Variants in RCBTB1 observed in about 807,000 individuals in gnomAD.
The protein encoded by RCBTB1 is RCC1 and BTB domain-containing protein 1.
In RCBTB1, 46 loss-of-function variants were observed where a neutral mutation model predicts 62.4. The observed-to-expected ratio is 0.74, with a 90% CI of 0.58 to 0.94. The LOEUF is 0.94. RCBTB1 is among the 40% of genes least tolerant of loss of function. The pLI is 0.00. For synonymous variants in RCBTB1, 222 were observed against 245.8 expected, an observed-to-expected ratio of 0.90 and a Z score of 0.91; for missense variants, 565 against 654.9, an observed-to-expected ratio of 0.86 and a Z score of 1.50.
chr13:49,584,774 G>T (rs1326711119), intron 1 of RCBTB1, among the ~76,000 whole-genome samples: 1 of 152,174 alleles, frequency 6.6e-6, no homozygotes, highest in Non-Finnish European at 1.5e-5. Flanking sequence ...TCCGCAGATG[G>T]CTTGAAAGTG....
At position 49,559,929 on chromosome 13, in the gene RCBTB1, C is replaced by T; in HGVS notation, c.433G>A (p.Ala145Thr). 1 of 1,613,210 alleles carries T rather than the reference C, an allele frequency of 6.2e-7. No individual in the cohort carries two copies. The highest frequency in any genetic ancestry group is 8.5e-7 in the Non-Finnish European group (1 of 1,179,686). Residue 145 changes from alanine to threonine, a missense_variant, in exon 5 of 13, where the codon GCT becomes ACT. By Grantham distance (58) the Ala-to-Thr change is moderately conservative. Coordinates refer to ENST00000378302, the MANE Select transcript of RCBTB1 (RefSeq NM_018191.4). ...AGCAGCATACTTACCTCTCCATCAG[C>T]TGCCAGAGCCATTGAATGATGTGAG... is the stretch of plus-strand genomic sequence containing the variant. ...CGSHHSMALAADGEVFAWGYN... is the reference protein window; with the variant it reads ...CGSHHSMALATDGEVFAWGYN...
Position 49,546,315 on chromosome 13 carries a change from A to T in RCBTB1, c.1046-1452T>A, listed in dbSNP as rs1298869750. 3 of 984,586 alleles carry T rather than the reference A, an allele frequency of 3.0e-6. No individual in the cohort carries two copies. In the African/African-American group the frequency reaches 5.3e-5, roughly 17 times the overall value. 61.0% of individuals were successfully genotyped at this position (984,586 alleles called of 1,614,324 possible). ...TGACTTTCCGTCTAACACTCAGATG[A>T]GATCACAAAGTGAGAGGGAAAAAAC... On this transcript the variant is annotated intron_variant, in intron 9 of 12. Transcript: ENST00000378302.
intron 10 of RCBTB1, among the ~76,000 whole-genome samples, chr13:49,542,972 T>C (rs1421752553): frequency 6.6e-6 from 1 of 152,192 alleles, no homozygotes; most frequent in African/African-American, 2.4e-5. Flanking sequence ...AGAGAAAAAG[T>C]ATTCTGAGGT....
chr13:49,566,775 AATAG>A lies in RCBTB1; in HGVS notation c.127-11_127-8del, dbSNP rs750411809. Reference sequence around the variant, plus strand: ...TCAGTCCAAATACAAAGACCTAGAAAATAGATAGTTTTTTTTCTGAGTCTTTTGA... The same window carrying A: ...TCAGTCCAAATACAAAGACCTAGAAAATAGTTTTTTTTCTGAGTCTTTTGA... On this transcript the variant is annotated splice_region_variant and splice_polypyrimidine_tract_variant and intron_variant, in intron 3 of 12. Coordinates refer to ENST00000378302, the MANE Select transcript of RCBTB1 (RefSeq NM_018191.4). The A allele has an allele frequency of 1.6e-4, 263 of 1,594,538 alleles. 1 individual carries two copies. The highest frequency in any genetic ancestry group is 4.2e-4 in the African/African-American group (31 of 73,674).
intron 9 of RCBTB1, 84 bp downstream of exon 9, chr13:49,549,374 T>G (rs1295762616): frequency 7.4e-7 from 1 of 1,343,646 alleles, no homozygotes; most frequent in Non-Finnish European, 1.0e-6. Context: ...TTCTGAGAGA[T>G]CCCAAAACCA....
At chr13:49,544,186 TA>T (rs1262017550) in intron 10 of RCBTB1, among the ~76,000 whole-genome samples, 1 of 152,162 alleles carries the variant, frequency 6.6e-6, no homozygotes, top group African/African-American at 2.4e-5. Context: ...AAAAACAATA[TA>T]AGCTGGGCGT....
intron 9 of RCBTB1, 145 bp downstream of exon 9, chr13:49,549,313 T>C (rs946188358): frequency 2.6e-5 from 18 of 684,160 alleles, no homozygotes; most frequent in Non-Finnish European, 4.2e-5. Flanking sequence ...TACATTTGAT[T>C]ATGCACATCT....
chr13:49,550,783 T>G (rs991147420), intron 8 of RCBTB1, among the ~76,000 whole-genome samples: 2 of 152,094 alleles, frequency 1.3e-5, no homozygotes, highest in South Asian at 2.1e-4. Context: ...CAACCTCATG[T>G]TCATTCTGGC....
At position 49,532,380 on chromosome 13, in the gene RCBTB1, A is replaced by G. The variant is rs1276367727; in HGVS notation, c.*1742T>C. ...CTTTAATTTGTGCTTTTTTTGAAAAAAAGTTTTCAAGTAAGAGCAATAGTA... is the reference window on the plus strand; with the variant it reads ...CTTTAATTTGTGCTTTTTTTGAAAAGAAGTTTTCAAGTAAGAGCAATAGTA... On this transcript the variant is annotated 3_prime_UTR_variant, in exon 13 of 13. Coordinates refer to ENST00000378302, the MANE Select transcript of RCBTB1 (RefSeq NM_018191.4). The G allele has an allele frequency of 1.3e-5, 2 of 149,924 alleles. No homozygotes were observed. The highest frequency in any genetic ancestry group is 3.0e-5 in the Non-Finnish European group (2 of 67,320). 9.3% of individuals were successfully genotyped at this position (149,924 alleles called of 1,614,324 possible). A position where few individuals can be genotyped will look rare whatever the true frequency, so the allele number is the denominator to read the frequency against.
intron 8 of RCBTB1, 73 bp from the exon 9 acceptor site, chr13:49,549,721 T>G: frequency 6.6e-7 from 1 of 1,505,710 alleles, no homozygotes; most frequent in African/African-American, 1.4e-5. Flanking sequence ...CAAGGCAATT[T>G]AAAAGTTCAT....
At chr13:49,561,510 GA>G (rs1439635548) in intron 4 of RCBTB1, among the ~76,000 whole-genome samples, 3 of 152,160 alleles carry the variant, frequency 2.0e-5, no homozygotes, top group African/African-American at 7.2e-5. Context: ...TACGGCAGGT[GA>G]AAGAAATGTC....
intron 4 of RCBTB1, 39 bp from the exon 5 acceptor site, chr13:49,560,123 G>T: frequency 6.2e-7 from 1 of 1,602,016 alleles, no homozygotes; most frequent in Non-Finnish European, 8.5e-7. Flanking sequence ...GCTCCAAAAA[G>T]AAATAGTAAC....
At chr13:49,544,891 G>A (rs1594262349) in intron 9 of RCBTB1, 28 bp from the exon 10 acceptor site, 1 of 1,588,402 alleles carries the variant, frequency 6.3e-7, no homozygotes, top group Non-Finnish European at 8.6e-7. Context: ...ATATTAATAT[G>A]GCAAGTTCAA....
chr13:49,550,325 C>T (rs1961221653), intron 8 of RCBTB1: 1 of 408,700 alleles, frequency 2.4e-6, no homozygotes, highest in Non-Finnish European at 3.3e-6. Context: ...TACCAGAGCT[C>T]AGAACACTCA....
chr13:49,546,912 A>T, intron 9 of RCBTB1: 1 of 983,320 alleles, frequency 1.0e-6, no homozygotes, highest in Non-Finnish European at 1.2e-6. Flanking sequence ...GGGACCCCTG[A>T]TCTAGGAGGA....
intron 2 of RCBTB1, among the ~76,000 whole-genome samples, chr13:49,567,571 T>C (rs17073175): frequency 0.07 from 10,719 of 152,134 alleles, 470 homozygotes; most frequent in South Asian, 0.13. Flanking sequence ...AGTCAGTGCT[T>C]ATCTGTTCCA....
chr13:49,577,648 G>A (rs1963863180), intron 2 of RCBTB1, among the ~76,000 whole-genome samples: 1 of 152,112 alleles, frequency 6.6e-6, no homozygotes, highest in South Asian at 2.1e-4. Context: ...CTTCAGCATT[G>A]GCGAGCACCA....
chr13:49,572,560 T>C lies in RCBTB1; in HGVS notation c.-41-5240A>G, dbSNP rs191294135. Among the ~76,000 whole-genome samples the C allele has an allele frequency of 7.0e-3, 1,065 of 152,288 alleles. 10 individuals carry two copies. The highest frequency in any genetic ancestry group is 0.014 in the Middle Eastern group (4 of 294). On this transcript the variant is annotated intron_variant, in intron 2 of 12. Transcript: ENST00000378302. ...CTGACACCTGTAATCCCAGCACTTT[T>C]GGGAGGCTGAGGCAGGCAGATCAGT... is the stretch of plus-strand genomic sequence containing the variant.
chr13:49,542,994 AG>A (rs1452681230), intron 10 of RCBTB1, among the ~76,000 whole-genome samples: 1 of 152,190 alleles, frequency 6.6e-6, no homozygotes, highest in African/African-American at 2.4e-5. Context: ...CAGTGGCTCA[AG>A]CCTGTAATTC....
Sources: gnomAD v4.1 joint callset for allele counts (sites outside exome capture counted in the v4.1 genomes callset) on GRCh38, gnomAD v4.1.1 for gene constraint, MANE v1.5 for transcripts, NCBI Gene and HGNC (gene_info 2026-07-23, HGNC 2026-07-21) for gene names.